Variants in CAPN14 observed in about 807,000 individuals in gnomAD.
CAPN14 encodes the protein calpain-14.
A neutral mutation model predicts 101.3 loss-of-function variants in CAPN14; 94 were observed. That is an observed-to-expected ratio of 0.93 (90% CI 0.79 to 1.10). The LOEUF (loss-of-function observed/expected upper bound fraction) is 1.10. CAPN14 is among the 50% of genes least tolerant of loss of function. The probability of loss-of-function intolerance (pLI) is 0.00; values close to 1 mark genes in which losing one functional copy is unlikely to be tolerated. For missense variants in CAPN14, 837 were observed against 828.4 expected (o/e 1.01, Z -0.13); for synonymous variants, 338 against 317.9 (o/e 1.06, Z -0.67).
rs1486539119 is a variant in CAPN14, at chr2:31,177,036, C to A, written c.1962G>T (p.Glu654Asp). 6 of 1,550,872 alleles carry A rather than the reference C, an allele frequency of 3.9e-6. No homozygotes were observed. The African/African-American group carries it at 8.2e-5, about 21-fold the overall frequency. ...VSFIHLMLRV[E>D]NMEDVFQNLT... ...TTCCCGCCAGCTTACCCTCCATGTT[C>A]TCTACACGCAGCATCAAGTGGATGA... Residue 654 changes from glutamate to aspartate, a missense_variant, in exon 20 of 22, where the codon GAG becomes GAT. Transcript: ENST00000403897.
chr2:31,177,123 G>A lies in CAPN14; in HGVS notation c.1875C>T (p.Asp625=), dbSNP rs546782385. ...MREAGIMLSD[D]VCQLMLIRYG... ...AGCGGATGAGCATCAGCTGACAGAC[G>A]TCATCACTGAGCATGATTCCTGCAT... Residue 625 remains aspartate, a synonymous_variant, in exon 20 of 22, where the codon GAC becomes GAT. Transcript: ENST00000403897. 104 of 1,550,764 alleles carry A rather than the reference G, an allele frequency of 6.7e-5. 2 individuals are homozygous for A. In the South Asian group the frequency reaches 1.0e-3, roughly 16 times the overall value.
At chr2:31,181,986 T>C (rs1280900298) in intron 16 of CAPN14, among the ~76,000 whole-genome samples, 4 of 152,024 alleles carry the variant, frequency 2.6e-5, no homozygotes, top group African/African-American at 9.7e-5. Context: ...TAAACATACA[T>C]GTGCATGTGT....
At chr2:31,193,104 G>C in intron 10 of CAPN14, 27 bp downstream of exon 10, 3 of 1,538,536 alleles carry the variant, frequency 1.9e-6, no homozygotes, top group Admixed American at 3.9e-5. Flanking sequence ...CTCACCCTGA[G>C]AGCCCTGCTC....
rs1320355615 is a variant in CAPN14, at chr2:31,191,046, C to G, written c.1287+353G>C. ...ATCTATTTTATTTTGGGTTTCATAA[C>G]CCAGTCATGATTGTAATTTATCATC... On this transcript the variant is annotated intron_variant, in intron 12 of 21. Coordinates refer to ENST00000403897, the MANE Select transcript of CAPN14 (RefSeq NM_001145122.2). 2.0e-5 allele frequency among the ~76,000 whole-genome samples: 3 copies of G among 152,264 alleles called. No homozygotes were observed. In the East Asian group the frequency reaches 5.8e-4, roughly 29 times the overall value.
At chr2:31,181,538 A>AT (rs1680631642) in intron 16 of CAPN14, among the ~76,000 whole-genome samples, 1 of 96,712 alleles carries the variant, frequency 1.0e-5, no homozygotes. Context: ...TTTTATTATT[A>AT]TACCTTAAGT....
At chr2:31,181,151 G>C (rs1680574911) in intron 16 of CAPN14, among the ~76,000 whole-genome samples, 151 bp from the exon 17 acceptor site, 2 of 152,192 alleles carry the variant, frequency 1.3e-5, no homozygotes, top group Admixed American at 6.5e-5. Flanking sequence ...ACAGTAGAGA[G>C]ACGGGGGGGT....
chr2:31,202,034 T>C (rs1179948294), intron 4 of CAPN14, 36 bp from the exon 5 acceptor site: 3 of 1,550,410 alleles, frequency 1.9e-6, no homozygotes, highest in Non-Finnish European at 8.7e-7. Context: ...GAATGAGGAC[T>C]GCTGCAGATG....
intron 1 of CAPN14, among the ~76,000 whole-genome samples, chr2:31,213,260 G>A (rs1682486621): frequency 6.6e-6 from 1 of 152,184 alleles, no homozygotes; most frequent in Admixed American, 6.5e-5. Flanking sequence ...GACATGTACT[G>A]TGCCTACTCT....
intron 5 of CAPN14, among the ~76,000 whole-genome samples, 185 bp downstream of exon 5, chr2:31,201,677 T>C (rs1248895646): frequency 1.3e-5 from 2 of 152,142 alleles, no homozygotes; most frequent in South Asian, 2.1e-4. Context: ...GGCAAAACTC[T>C]TGAATGCAGG....
At chr2:31,176,560 G>A (rs1451925300) in intron 21 of CAPN14, 27 bp downstream of exon 21, 12 of 1,545,962 alleles carry the variant, frequency 7.8e-6, no homozygotes, top group Non-Finnish European at 1.1e-5. Context: ...AAGATGACAT[G>A]AGCCACCTCC....
intron 3 of CAPN14, 135 bp from the exon 4 acceptor site, chr2:31,202,387 C>T (rs141501040): frequency 9.1e-6 from 6 of 661,442 alleles, no homozygotes; most frequent in African/African-American, 3.6e-5. Context: ...ACTGGGAAGG[C>T]GGATGATGAG....
chr2:31,219,992 G>A (rs1313413358), upstream of CAPN14, among the ~76,000 whole-genome samples: 3 of 152,156 alleles, frequency 2.0e-5, no homozygotes, highest in African/African-American at 7.2e-5. Context: ...GCTCTCTAAA[G>A]TTTCTCCTTC....
intron 21 of CAPN14, among the ~76,000 whole-genome samples, chr2:31,175,769 T>C (rs1558607571): frequency 6.6e-6 from 1 of 152,140 alleles, no homozygotes; most frequent in Non-Finnish European, 1.5e-5. Context: ...AGAAAAACAT[T>C]CCAGCTTTGA....
intron 9 of CAPN14, among the ~76,000 whole-genome samples, chr2:31,193,587 T>C (rs868067353): frequency 1.1e-4 from 17 of 152,206 alleles, no homozygotes; most frequent in Admixed American, 6.5e-5. Context: ...ATCATGGTGA[T>C]AGCAGCTGAA....
intron 21 of CAPN14, among the ~76,000 whole-genome samples, chr2:31,175,819 C>T (rs142674567): frequency 2.0e-5 from 3 of 152,290 alleles, no homozygotes; most frequent in Non-Finnish European, 4.4e-5. Context: ...GGAAGGGTTG[C>T]AGAATAAAAG....
At chr2:31,183,530 A>G (rs1484113196) in intron 16 of CAPN14, among the ~76,000 whole-genome samples, 2 of 152,168 alleles carry the variant, frequency 1.3e-5, no homozygotes, top group Admixed American at 6.5e-5. Flanking sequence ...GGCAAAGGAC[A>G]TGAACAGACA....
At chr2:31,175,739 A>G (rs776051786) in intron 21 of CAPN14, among the ~76,000 whole-genome samples, 1 of 152,198 alleles carries the variant, frequency 6.6e-6, no homozygotes, top group Non-Finnish European at 1.5e-5. Flanking sequence ...GCAATTCCAT[A>G]AAATGGACAT....
intron 3 of CAPN14, 98 bp from the exon 4 acceptor site, chr2:31,202,350 GC>G: frequency 1.2e-6 from 1 of 857,322 alleles, no homozygotes; most frequent in Non-Finnish European, 1.9e-6. Flanking sequence ...TGGGCTTGTA[GC>G]CCAGTTTAGG....
chr2:31,213,255 G>C (rs757591891), intron 1 of CAPN14, among the ~76,000 whole-genome samples: 1 of 152,296 alleles, frequency 6.6e-6, no homozygotes, highest in East Asian at 1.9e-4. Flanking sequence ...GGGATGACAT[G>C]TACTGTGCCT....
Sources: gnomAD v4.1 joint callset for allele counts (sites outside exome capture counted in the v4.1 genomes callset) on GRCh38, gnomAD v4.1.1 for gene constraint, MANE v1.5 for transcripts, NCBI Gene and HGNC (gene_info 2026-07-23, HGNC 2026-07-21) for gene names.